The following NRG1 variants were observed in gnomAD, a reference collection of about 807,000 sequenced individuals.
NRG1 encodes the protein neuregulin 1.
In NRG1, 18 loss-of-function variants were observed where a neutral mutation model predicts 63.8. The ratio of observed to expected loss-of-function variants is 0.28; its 90% CI spans 0.19 to 0.42. The LOEUF is 0.42. Among genes scored for constraint, NRG1 ranks in the 10% least tolerant of loss-of-function variants. NRG1 has a pLI of 1.00. For missense variants in NRG1, 762 were observed against 814.7 expected (o/e 0.94, Z 0.79); for synonymous variants, 302 against 301.3 (o/e 1.00, Z -0.02).
chr8:32,019,310 G>C (rs181688161), intron 1 of NRG1, among the ~76,000 whole-genome samples: 28 of 152,300 alleles, frequency 1.8e-4, no homozygotes, highest in Admixed American at 3.3e-4. Context: ...ATGTTAGCCA[G>C]GATGGTCTCA....
chr8:32,161,996 G>T (rs944357920), intron 1 of NRG1, among the ~76,000 whole-genome samples: 8 of 152,176 alleles, frequency 5.3e-5, no homozygotes, highest in Non-Finnish European at 7.3e-5. Context: ...TAGATTTGAT[G>T]ATCATCTAGG....
intron 1 of NRG1, among the ~76,000 whole-genome samples, chr8:32,484,466 A>T (rs1213131631): frequency 6.6e-6 from 1 of 152,254 alleles, no homozygotes; most frequent in Non-Finnish European, 1.5e-5. Flanking sequence ...AGAGAAGTTG[A>T]CATGGGCTTT....
At chr8:32,469,712 T>C (rs1823531047) in intron 1 of NRG1, among the ~76,000 whole-genome samples, 2 of 152,162 alleles carry the variant, frequency 1.3e-5, no homozygotes, top group Admixed American at 6.5e-5. Flanking sequence ...CCCTCAAGAT[T>C]CTAATCTTCA....
chr8:32,223,486 CTCTGAACCTTGGTT>C (rs1231140849), intron 1 of NRG1, among the ~76,000 whole-genome samples: 2 of 152,146 alleles, frequency 1.3e-5, no homozygotes, highest in Non-Finnish European at 2.9e-5. Context: ...CATTTAACCC[CTCTGAACCTTGGTT>C]TCCTTCTTTG....
At chr8:32,314,436 C>T (rs13272687) in intron 1 of NRG1, among the ~76,000 whole-genome samples, 16,237 of 67,114 alleles carry the variant, frequency 0.24, 881 homozygotes, top group South Asian at 0.35. Flanking sequence ...GAGGGAATGG[C>T]GGTCCTCGCG....
At chr8:32,635,598 C>T (rs560220747) in intron 5 of NRG1, among the ~76,000 whole-genome samples, 57 of 152,220 alleles carry the variant, frequency 3.7e-4, no homozygotes, top group African/African-American at 1.3e-3. Flanking sequence ...ATTTTTCCCC[C>T]ACCACAGGTT....
chr8:32,543,750 C>A (rs1832793363), upstream of NRG1, among the ~76,000 whole-genome samples: 1 of 152,102 alleles, frequency 6.6e-6, no homozygotes, highest in Non-Finnish European at 1.5e-5. Flanking sequence ...TTGAACATTG[C>A]CTTTTAGCAT....
intron 5 of NRG1, among the ~76,000 whole-genome samples, chr8:32,685,627 T>C (rs1809904066): frequency 6.6e-6 from 1 of 152,230 alleles, no homozygotes; most frequent in Admixed American, 6.5e-5. Context: ...TGTCTAACGT[T>C]CTTTTCAACT....
intron 1 of NRG1, among the ~76,000 whole-genome samples, chr8:32,094,913 ATTTT>A (rs35516200): frequency 1.5e-5 from 2 of 133,310 alleles, no homozygotes; most frequent in African/African-American, 2.8e-5. Flanking sequence ...TAATTTCAGC[ATTTT>A]TTTTTTTTTT....
chr8:32,216,643 T>C (rs1037918689), intron 1 of NRG1, among the ~76,000 whole-genome samples: 3 of 149,812 alleles, frequency 2.0e-5, no homozygotes, highest in African/African-American at 7.3e-5. Flanking sequence ...TTTAAGTTCC[T>C]AGGAGCACAA....
intron 1 of NRG1, among the ~76,000 whole-genome samples, chr8:32,382,863 A>G (rs1387361600): frequency 6.6e-6 from 1 of 152,130 alleles, no homozygotes; most frequent in Non-Finnish European, 1.5e-5. Context: ...CACTTCCCTC[A>G]TGAAACTTAC....
intron 1 of NRG1, among the ~76,000 whole-genome samples, chr8:32,159,379 A>C (rs1838554056): frequency 6.6e-6 from 1 of 151,090 alleles, no homozygotes; most frequent in African/African-American, 2.4e-5. Context: ...CTAAAAATAC[A>C]AAAAATTAGC....
At chr8:32,688,748 T>A (rs1202826044) in intron 5 of NRG1, among the ~76,000 whole-genome samples, 2 of 152,324 alleles carry the variant, frequency 1.3e-5, no homozygotes, top group African/African-American at 2.4e-5. Context: ...TTAAAGCAAT[T>A]GTTGCTTTAG....
At chr8:32,355,069 G>GTA (rs1392652927) in intron 1 of NRG1, among the ~76,000 whole-genome samples, 1 of 151,978 alleles carries the variant, frequency 6.6e-6, no homozygotes, top group Non-Finnish European at 1.5e-5. Context: ...TTTTCCAAGC[G>GTA]TAAATACAAA....
intron 3 of NRG1, among the ~76,000 whole-genome samples, chr8:32,609,214 T>C (rs950451331): frequency 1.1e-4 from 16 of 152,028 alleles, no homozygotes; most frequent in Admixed American, 6.5e-4. Flanking sequence ...CTAGTTATAG[T>C]GCATCCAGAA....
chr8:32,418,605 A>C (rs992750626), intron 1 of NRG1, among the ~76,000 whole-genome samples: 3 of 152,074 alleles, frequency 2.0e-5, no homozygotes, highest in African/African-American at 7.2e-5. Context: ...TTATCATGGC[A>C]GTTTTAAATG....
chr8:32,312,987 C>T (rs1856992916), intron 1 of NRG1, among the ~76,000 whole-genome samples: 1 of 152,116 alleles, frequency 6.6e-6, no homozygotes. Context: ...AACCCTGTCT[C>T]TACTAAAAAT....
chr8:31,970,682 A>G (rs890097069), intron 1 of NRG1, among the ~76,000 whole-genome samples: 1 of 152,132 alleles, frequency 6.6e-6, no homozygotes, highest in Non-Finnish European at 1.5e-5. Context: ...TCAGCTGCAC[A>G]TCTACTGTCC....
At chr8:31,850,611 T>C (rs1238413365) in intron 1 of NRG1, among the ~76,000 whole-genome samples, 3 of 152,218 alleles carry the variant, frequency 2.0e-5, no homozygotes, top group African/African-American at 7.2e-5. Context: ...CTCACTTGCT[T>C]TCTGGCCTCT....
Sources: gnomAD v4.1 joint callset for allele counts (sites outside exome capture counted in the v4.1 genomes callset) on GRCh38, gnomAD v4.1.1 for gene constraint, MANE v1.5 for transcripts, NCBI Gene and HGNC (gene_info 2026-07-23, HGNC 2026-07-21) for gene names.